DKK4: variants seen among roughly 807,000 people sequenced by gnomAD.
The protein encoded by DKK4 is dickkopf Wnt signaling pathway inhibitor 4, also known as dickkopf-related protein 4.
Under a neutral mutation model 14.5 loss-of-function variants are expected in DKK4, and 15 were observed. The ratio of observed to expected loss-of-function variants is 1.03; its 90% CI spans 0.69 to 1.59. The LOEUF (loss-of-function observed/expected upper bound fraction) is 1.59. Ranked by LOEUF, DKK4 falls within the 40% of genes most tolerant of loss-of-function variation. DKK4 has a pLI of 0.00. For missense variants in DKK4, 272 were observed against 280.3 expected, an observed-to-expected ratio of 0.97 and a Z score of 0.21; for synonymous variants, 89 against 105.2, an observed-to-expected ratio of 0.85 and a Z score of 0.94.
upstream of DKK4, among the ~76,000 whole-genome samples, chr8:42,379,617 A>T (rs1824635392): frequency 6.6e-6 from 1 of 152,032 alleles, no homozygotes; most frequent in African/African-American, 2.4e-5. Flanking sequence ...CATGATTTAG[A>T]CTTTCTAGAG....
rs1563415075 is a variant in DKK4, at chr8:42,377,158, T to C, written c.-113A>G. 2.6e-6 allele frequency: 2 copies of C among 778,306 alleles called. No homozygotes were observed. Among genetic ancestry groups the C allele is most frequent in the South Asian group, 1.7e-5 (1 of 58,662 alleles). The allele number at this position is 778,306 out of a possible 1,614,324, so 48.2% of individuals were successfully genotyped here. On this transcript the variant is annotated 5_prime_UTR_variant, in exon 1 of 4. Coordinates refer to ENST00000220812, the MANE Select transcript of DKK4 (RefSeq NM_014420.3). ...GCTGGCAGCTCAGCACGTCGTCTGT[T>C]TGTCACTGCTTTTTCTGAAAGAAGT...
Position 42,377,095 on chromosome 8 carries a change from G to T in DKK4, c.-50C>A. The T allele has an allele frequency of 6.6e-7, 1 of 1,506,872 alleles. No homozygotes were observed. 93.3% of individuals were successfully genotyped at this position (1,506,872 alleles called of 1,614,324 possible). A position where few individuals can be genotyped will look rare whatever the true frequency, so the allele number is the denominator to read the frequency against. On this transcript the variant is annotated 5_prime_UTR_variant, in exon 1 of 4. Transcript: ENST00000220812. ...GGTCCCAGCACTGTGCGTCACCAAA[G>T]CGAGGCTGCTCTCCACCCAGAGCAG...
rs2073664 is a variant in DKK4, at chr8:42,374,268, G to A, written c.507C>T (p.Val169=). 0.11 allele frequency: 179,585 copies of A among 1,613,456 alleles called. 21,910 individuals carry two copies. Among genetic ancestry groups the A allele is most frequent in the African/African-American group, 0.62 (46,119 of 74,818 alleles). ...TGGAGCAGACCTGTCCCTCCAAAAG[G>A]ACTGGCTTACAAATTTTCGTCCAAA... ...RHFWTKICKP[V]LLEGQVCSRR... is the part of the protein sequence containing the mutation. The change falls in exon 4 of 4, where the codon GTC becomes GTT. Residue 169 remains valine, a synonymous_variant. Transcript: ENST00000220812.
chr8:42,388,536 CCTTTCTTTT>C, the DKK4 span, among the ~76,000 whole-genome samples: 1 of 146,696 alleles, frequency 6.8e-6, no homozygotes, highest in African/African-American at 2.7e-5. Flanking sequence ...GGTCTAAACT[CCTTTCTTTT>C]CTTTTCTTCT....
upstream of DKK4, among the ~76,000 whole-genome samples, chr8:42,380,842 AT>A (rs1203870996): frequency 8.6e-5 from 13 of 151,298 alleles, no homozygotes; most frequent in Admixed American, 5.3e-4. Context: ...GGAGGAAAAA[AT>A]AAATGAAAAA....
chr8:42,374,492 A>G (rs764592291), intron 3 of DKK4, 133 bp from the exon 4 acceptor site: 20 of 1,247,496 alleles, frequency 1.6e-5, no homozygotes, highest in Admixed American at 2.3e-5. Flanking sequence ...CGCAGGTCTC[A>G]CAGAGCTAGG....
the DKK4 span, among the ~76,000 whole-genome samples, chr8:42,389,672 T>A: frequency 1.3e-5 from 2 of 152,212 alleles, no homozygotes; most frequent in Non-Finnish European, 2.9e-5. Context: ...TCAAAAAAAA[T>A]TTTAAACTCA....
At position 42,375,670 on chromosome 8, in the gene DKK4, T is replaced by C; in HGVS notation, c.262+10A>G. On this transcript the variant is annotated intron_variant, in intron 2 of 3. Transcript: ENST00000220812. ...GGTTTAAAAACCACTGTTGGCGTTA[T>C]GTCGCTCACCGTTCACACAGAGTGT... 20 of 1,612,932 alleles carry C rather than the reference T, an allele frequency of 1.2e-5. No homozygotes were observed. The highest frequency in any genetic ancestry group is 1.5e-5 in the Non-Finnish European group (18 of 1,180,012).
upstream of DKK4, among the ~76,000 whole-genome samples, chr8:42,379,187 G>T (rs1824617938): frequency 6.7e-6 from 1 of 148,338 alleles, no homozygotes; most frequent in South Asian, 2.1e-4. Context: ...GGAGACCGAG[G>T]TTGCAGTGAG....
chr8:42,387,398 C>A, the DKK4 span, among the ~76,000 whole-genome samples: 1 of 115,242 alleles, frequency 8.7e-6, no homozygotes, highest in Non-Finnish European at 1.7e-5. Context: ...ACTCTTGTTG[C>A]CCAGGCTGGA....
At position 42,375,743 on chromosome 8, in the gene DKK4, G is replaced by C; in HGVS notation, c.199C>G (p.Arg67Gly). 6.2e-7 allele frequency: 1 copy of C among 1,614,052 alleles called. No individual in the cohort carries two copies. Among genetic ancestry groups the C allele is most frequent in the Non-Finnish European group, 8.5e-7 (1 of 1,180,022 alleles). ...CGCTGGCACCTCCTCCGCAACCCACGACATGTAGCACAGAACGGCTTCTCA... is the reference window on the plus strand; with the variant it reads ...CGCTGGCACCTCCTCCGCAACCCACCACATGTAGCACAGAACGGCTTCTCA... ...RDEKPFCATCRGLRRRCQRDA... is the reference protein window; with the variant it reads ...RDEKPFCATCGGLRRRCQRDA... The change falls in exon 2 of 4, where the codon CGT becomes GGT. Residue 67 changes from arginine to glycine, a missense_variant. Coordinates refer to ENST00000220812, the MANE Select transcript of DKK4 (RefSeq NM_014420.3).
the DKK4 span, among the ~76,000 whole-genome samples, chr8:42,389,827 A>G: frequency 0.082 from 12,427 of 151,954 alleles, 1,645 homozygotes; most frequent in African/African-American, 0.28. Context: ...TTCACTTCTA[A>G]ATACTTCAGC....
chr8:42,380,388 A>G (rs569535144), upstream of DKK4, among the ~76,000 whole-genome samples: 5 of 134,440 alleles, frequency 3.7e-5, no homozygotes, highest in East Asian at 6.0e-4. Context: ...AGAAAGAAAG[A>G]AAGGAAGGAA....
upstream of DKK4, among the ~76,000 whole-genome samples, chr8:42,379,175 T>C (rs1255208729): frequency 2.0e-5 from 3 of 147,362 alleles, no homozygotes. Flanking sequence ...TGTTTGAACC[T>C]AGGAGACCGA....
the DKK4 span, among the ~76,000 whole-genome samples, chr8:42,386,028 C>T: frequency 7.2e-5 from 11 of 152,310 alleles, no homozygotes; most frequent in East Asian, 1.4e-3. Flanking sequence ...TGCTCATGTG[C>T]GCCTCTTCTT....
chr8:42,391,082 C>T, the DKK4 span, among the ~76,000 whole-genome samples: 1 of 152,172 alleles, frequency 6.6e-6, no homozygotes, highest in African/African-American at 2.4e-5. Flanking sequence ...AGCTTTTTCT[C>T]CTCCACATCC....
upstream of DKK4, among the ~76,000 whole-genome samples, chr8:42,381,081 T>A (rs912060221): frequency 7.9e-5 from 12 of 152,004 alleles, no homozygotes; most frequent in Non-Finnish European, 1.6e-4. Context: ...GACTCAGTTG[T>A]CATTGCCCCG....
the DKK4 span, among the ~76,000 whole-genome samples, chr8:42,391,263 G>A: frequency 6.6e-6 from 1 of 151,110 alleles, no homozygotes; most frequent in Non-Finnish European, 1.5e-5. Context: ...CGTGGGCTCA[G>A]GCCTGTGATC....
At chr8:42,377,505 C>T (rs1824587662), upstream of DKK4, among the ~76,000 whole-genome samples, 1 of 152,206 alleles carries the variant, frequency 6.6e-6, no homozygotes, top group Non-Finnish European at 1.5e-5. Context: ...TAATCACCTG[C>T]ATTTCCTACC....
Sources: gnomAD v4.1 joint callset for allele counts (sites outside exome capture counted in the v4.1 genomes callset) on GRCh38, gnomAD v4.1.1 for gene constraint, MANE v1.5 for transcripts, NCBI Gene and HGNC (gene_info 2026-07-23, HGNC 2026-07-21) for gene names.